Variants in AOPEP observed in about 807,000 individuals in gnomAD.
AOPEP encodes the protein aminopeptidase O (putative).
In AOPEP, 77 loss-of-function variants were observed where a neutral mutation model predicts 98.1. That is an observed-to-expected ratio of 0.78 (90% CI 0.65 to 0.95). AOPEP has a LOEUF of 0.95. AOPEP is among the 40% of genes least tolerant of loss of function. The pLI is 0.00. For synonymous variants in AOPEP, 346 were observed against 365.3 expected (o/e 0.95, Z 0.60); for missense variants, 1,024 against 1,024.7 (o/e 1.00, Z 0.01).
intron 5 of AOPEP, among the ~76,000 whole-genome samples, chr9:94,822,009 A>ACACACACACG (rs1554726861): frequency 3.0e-3 from 457 of 149,860 alleles, no homozygotes; most frequent in Middle Eastern, 0.01. Flanking sequence ...ACACACACAC[A>ACACACACACG]CACGCAGGCA....
At chr9:94,957,697 A>G (rs1475561290) in intron 9 of AOPEP, among the ~76,000 whole-genome samples, 1 of 152,208 alleles carries the variant, frequency 6.6e-6, no homozygotes, top group Non-Finnish European at 1.5e-5. Flanking sequence ...AATCATTAGC[A>G]GTCATTTCCC....
chr9:94,814,644 G>C (rs1851326200), intron 5 of AOPEP, among the ~76,000 whole-genome samples: 1 of 152,204 alleles, frequency 6.6e-6, no homozygotes, highest in African/African-American at 2.4e-5. Flanking sequence ...CAGGTGTGCT[G>C]CTGGGTAATA....
At chr9:95,102,244 C>T in the AOPEP span, among the ~76,000 whole-genome samples, 3 of 152,214 alleles carry the variant, frequency 2.0e-5, no homozygotes, top group Non-Finnish European at 4.4e-5. Context: ...CTGCAAAAGG[C>T]TCACACGAAC....
At chr9:95,106,039 C>A in the AOPEP span, among the ~76,000 whole-genome samples, 1 of 152,220 alleles carries the variant, frequency 6.6e-6, no homozygotes, top group Admixed American at 6.5e-5. Context: ...TGAGGAACCA[C>A]CCCATTCTTC....
chr9:95,005,470 C>A, intron 12 of AOPEP, 72 bp from the exon 13 acceptor site: 1 of 1,439,368 alleles, frequency 6.9e-7, no homozygotes, highest in Non-Finnish European at 9.8e-7. Context: ...GGGGTCTCTG[C>A]TTTCTCGCGC....
At chr9:95,112,729 C>T in the AOPEP span, among the ~76,000 whole-genome samples, 11 of 152,312 alleles carry the variant, frequency 7.2e-5, no homozygotes, top group South Asian at 6.2e-4. Flanking sequence ...GATCAGAGAC[C>T]GGTCTGGTCC....
downstream of AOPEP, among the ~76,000 whole-genome samples, chr9:95,088,488 C>T (rs369115939): frequency 5.3e-5 from 8 of 150,434 alleles, no homozygotes; most frequent in African/African-American, 2.0e-4. Flanking sequence ...GGATTATAGG[C>T]GTGAACCACT....
chr9:95,089,341 T>C (rs1403412333), downstream of AOPEP, among the ~76,000 whole-genome samples: 1 of 152,208 alleles, frequency 6.6e-6, no homozygotes. Context: ...CTCACTGCCT[T>C]AGCCCAGCCA....
chr9:94,795,152 G>A (rs1846634199), intron 4 of AOPEP, among the ~76,000 whole-genome samples: 1 of 152,162 alleles, frequency 6.6e-6, no homozygotes, highest in Non-Finnish European at 1.5e-5. Flanking sequence ...TAACATTAAT[G>A]TCCCTACTAA....
At position 94,834,540 on chromosome 9, in the gene AOPEP, C is replaced by T. The variant is rs544665485; in HGVS notation, c.1364+33538C>T. Among the ~76,000 whole-genome samples, 5 of 152,238 alleles carry T rather than the reference C, an allele frequency of 3.3e-5. No individual in the cohort carries two copies. In the East Asian group the frequency reaches 9.6e-4, roughly 29 times the overall value. ...GAGCCTGGTGGCTCATGCCTGTAAT[C>T]CTGGCACTTTGGGAGTCTGAGGCAG... On this transcript the variant is annotated intron_variant, in intron 5 of 16. Coordinates refer to ENST00000375315, the MANE Select transcript of AOPEP (RefSeq NM_001193329.3).
intron 5 of AOPEP, among the ~76,000 whole-genome samples, chr9:94,888,360 T>G (rs2048480474): frequency 7.4e-6 from 1 of 134,938 alleles, no homozygotes; most frequent in South Asian, 2.4e-4. Flanking sequence ...AATTATAGAG[T>G]CACAGAAAGT....
intron 9 of AOPEP, among the ~76,000 whole-genome samples, chr9:94,962,276 G>T (rs565616527): frequency 6.6e-6 from 1 of 152,084 alleles, no homozygotes; most frequent in African/African-American, 2.4e-5. Context: ...TATTTCCCAC[G>T]TTTTACTCAT....
chr9:95,118,571 A>G, the AOPEP span, among the ~76,000 whole-genome samples: 4 of 152,208 alleles, frequency 2.6e-5, no homozygotes, highest in Non-Finnish European at 5.9e-5. Flanking sequence ...CTTAACAATC[A>G]TTCCCTCCAC....
intron 5 of AOPEP, among the ~76,000 whole-genome samples, chr9:94,883,771 T>A (rs1654037873): frequency 6.6e-6 from 1 of 152,340 alleles, no homozygotes; most frequent in South Asian, 2.1e-4. Context: ...ACAGTTTCAG[T>A]TGATGGCAGA....
At chr9:95,091,623 T>C (rs1203880371), downstream of AOPEP, among the ~76,000 whole-genome samples, 2 of 152,260 alleles carry the variant, frequency 1.3e-5, no homozygotes, top group East Asian at 3.9e-4. Context: ...TTGGCCTTGC[T>C]GCTTGGGCTC....
chr9:94,851,869 A>G (rs1162373388), intron 5 of AOPEP, among the ~76,000 whole-genome samples: 1 of 150,906 alleles, frequency 6.6e-6, no homozygotes, highest in African/African-American at 2.4e-5. Flanking sequence ...TTTATTTGGT[A>G]TGGGGTACAG....
chr9:95,150,214 C>T, the AOPEP span: 41 of 852,424 alleles, frequency 4.8e-5, no homozygotes, highest in African/African-American at 5.9e-4. Context: ...AAGAGAATGA[C>T]TCTAACACCA....
chr9:94,772,873 C>T, intron 2 of AOPEP, 129 bp from the exon 3 acceptor site: 1 of 881,992 alleles, frequency 1.1e-6, no homozygotes, highest in Admixed American at 2.7e-5. Flanking sequence ...TGCTAGGAAA[C>T]CAGTCAACTA....
chr9:95,113,174 G>A, the AOPEP span, among the ~76,000 whole-genome samples: 1 of 152,182 alleles, frequency 6.6e-6, no homozygotes, highest in Non-Finnish European at 1.5e-5. Context: ...TTGGCTGCAG[G>A]CCTTTTTTGT....
Sources: gnomAD v4.1 joint callset for allele counts (sites outside exome capture counted in the v4.1 genomes callset) on GRCh38, gnomAD v4.1.1 for gene constraint, MANE v1.5 for transcripts, NCBI Gene and HGNC (gene_info 2026-07-23, HGNC 2026-07-21) for gene names.